LRRTM4: variants seen among roughly 807,000 people sequenced by gnomAD.
The protein encoded by LRRTM4 is leucine-rich repeat transmembrane neuronal protein 4.
A neutral mutation model predicts 47.6 loss-of-function variants in LRRTM4; 25 were observed. The observed-to-expected ratio is 0.53, with a 90% CI of 0.38 to 0.73. LRRTM4 has a LOEUF of 0.73. Ranked by LOEUF, LRRTM4 falls within the 30% of genes least tolerant of loss-of-function variation. LRRTM4 has a pLI of 0.00. For missense variants in LRRTM4, 638 were observed against 713.4 expected, an observed-to-expected ratio of 0.89 and a Z score of 1.20; for synonymous variants, 311 against 269.5, an observed-to-expected ratio of 1.15 and a Z score of -1.51.
intron 3 of LRRTM4, among the ~76,000 whole-genome samples, chr2:76,835,165 CAG>C (rs1257749855): frequency 6.6e-6 from 1 of 152,058 alleles, no homozygotes; most frequent in Non-Finnish European, 1.5e-5. Context: ...AATTCCCAAA[CAG>C]AGCTCATTCT....
intron 3 of LRRTM4, among the ~76,000 whole-genome samples, chr2:76,900,920 A>G (rs1038398457): frequency 7.9e-5 from 12 of 152,188 alleles, no homozygotes; most frequent in Admixed American, 6.5e-4. Flanking sequence ...ATTTTGAAAG[A>G]CCTAAAAATA....
At chr2:77,254,910 A>T (rs1675719756) in intron 3 of LRRTM4, among the ~76,000 whole-genome samples, 1 of 151,836 alleles carries the variant, frequency 6.6e-6, no homozygotes. Flanking sequence ...GAAAAAAAAA[A>T]AAAGGACAGT....
intron 3 of LRRTM4, among the ~76,000 whole-genome samples, chr2:77,227,798 A>T (rs17013837): frequency 0.2 from 30,243 of 152,012 alleles, 5,829 homozygotes; most frequent in African/African-American, 0.5. Context: ...TAAAATAGTT[A>T]TTCTACAACC....
intron 3 of LRRTM4, among the ~76,000 whole-genome samples, chr2:77,490,859 G>C (rs1263345776): frequency 1.3e-5 from 2 of 151,844 alleles, no homozygotes; most frequent in Admixed American, 1.3e-4. Flanking sequence ...CAAAATGTGA[G>C]TCCAGTAAAA....
chr2:77,305,126 T>A (rs1159426573), intron 3 of LRRTM4, among the ~76,000 whole-genome samples: 1 of 152,048 alleles, frequency 6.6e-6, no homozygotes, highest in Non-Finnish European at 1.5e-5. Context: ...AAACTACACA[T>A]AAAACTTAAT....
chr2:77,255,402 C>T (rs1342088272), intron 3 of LRRTM4, among the ~76,000 whole-genome samples: 1 of 151,978 alleles, frequency 6.6e-6, no homozygotes, highest in Non-Finnish European at 1.5e-5. Flanking sequence ...ACCAGTATCA[C>T]TATCATTAAA....
At chr2:77,080,649 C>A (rs956196666) in intron 3 of LRRTM4, among the ~76,000 whole-genome samples, 1 of 151,902 alleles carries the variant, frequency 6.6e-6, no homozygotes. Flanking sequence ...CTTGACCTCT[C>A]TCTTTCTCAT....
intron 3 of LRRTM4, among the ~76,000 whole-genome samples, chr2:76,786,409 ACAGTATTTTT>A (rs1370492228): frequency 6.6e-6 from 1 of 152,152 alleles, no homozygotes; most frequent in Non-Finnish European, 1.5e-5. Context: ...CATTTTTTTA[ACAGTATTTTT>A]ATCTTTTCAG....
At chr2:77,161,140 G>T (rs78895241) in intron 3 of LRRTM4, among the ~76,000 whole-genome samples, 1 of 152,054 alleles carries the variant, frequency 6.6e-6, no homozygotes, top group Non-Finnish European at 1.5e-5. Flanking sequence ...ATAGTTAAAC[G>T]ATAACCCAGC....
At chr2:77,241,630 A>G (rs765048181) in intron 3 of LRRTM4, among the ~76,000 whole-genome samples, 1 of 152,094 alleles carries the variant, frequency 6.6e-6, no homozygotes, top group Non-Finnish European at 1.5e-5. Context: ...TAAGCTCTGG[A>G]AAAAAACCTT....
At chr2:77,139,828 T>C (rs1195377764) in intron 3 of LRRTM4, among the ~76,000 whole-genome samples, 2 of 151,974 alleles carry the variant, frequency 1.3e-5, no homozygotes, top group Non-Finnish European at 2.9e-5. Flanking sequence ...TATACACCAA[T>C]AACAGACAAA....
intron 3 of LRRTM4, among the ~76,000 whole-genome samples, chr2:77,261,631 G>C (rs890899685): frequency 2.6e-5 from 4 of 151,862 alleles, no homozygotes; most frequent in Non-Finnish European, 5.9e-5. Flanking sequence ...CCCGGAAAAG[G>C]GTCCCAGGAT....
chr2:77,261,307 C>T lies in LRRTM4; in HGVS notation c.1551+257011G>A, dbSNP rs547389467. 3.9e-5 allele frequency among the ~76,000 whole-genome samples: 6 copies of T among 152,242 alleles called. No individual in the cohort carries two copies. In the South Asian group the frequency reaches 1.0e-3, roughly 26 times the overall value. On this transcript the variant is annotated intron_variant, in intron 3 of 3. Transcript: ENST00000409884. ...CCTACATTTCCCAGTCCTCTCACAG[C>T]TAGACACGGTCATATATGCTCTAGT...
At position 77,500,665 on chromosome 2, in the gene LRRTM4, A is replaced by G. The variant is rs540519036; in HGVS notation, c.1551+17653T>C. 5.3e-5 allele frequency among the ~76,000 whole-genome samples: 8 copies of G among 151,768 alleles called. No individual in the cohort carries two copies. The East Asian group carries it at 1.5e-3, about 29-fold the overall frequency. On this transcript the variant is annotated intron_variant, in intron 3 of 3. Transcript: ENST00000409884. ...GAGCCTTATCATATCTCAAAATGAAAGATTTAGAATTTAAAAGATAATCAT... is the reference window on the plus strand; with the variant it reads ...GAGCCTTATCATATCTCAAAATGAAGGATTTAGAATTTAAAAGATAATCAT...
intron 3 of LRRTM4, among the ~76,000 whole-genome samples, chr2:77,325,683 C>T (rs1197311356): frequency 2.6e-5 from 4 of 152,024 alleles, no homozygotes; most frequent in Non-Finnish European, 4.4e-5. Context: ...GGTGTGGAGG[C>T]TATTTCTGAA....
intron 3 of LRRTM4, among the ~76,000 whole-genome samples, chr2:76,840,082 A>G (rs529041955): frequency 6.6e-6 from 1 of 152,260 alleles, no homozygotes; most frequent in African/African-American, 2.4e-5. Context: ...TGTGGACCCC[A>G]ATCACAGCAT....
At chr2:77,022,564 C>A (rs549219413) in intron 3 of LRRTM4, among the ~76,000 whole-genome samples, 2 of 152,238 alleles carry the variant, frequency 1.3e-5, no homozygotes, top group South Asian at 4.1e-4. Flanking sequence ...AATGGAGGTA[C>A]AGATATTAGG....
intron 3 of LRRTM4, among the ~76,000 whole-genome samples, chr2:77,111,144 C>G (rs1430615094): frequency 6.6e-6 from 1 of 152,070 alleles, no homozygotes; most frequent in Non-Finnish European, 1.5e-5. Context: ...GAGTCTTGCT[C>G]TGTTGCCCAG....
chr2:77,023,766 G>A (rs1426222524), intron 3 of LRRTM4, among the ~76,000 whole-genome samples: 2 of 152,156 alleles, frequency 1.3e-5, no homozygotes, highest in Non-Finnish European at 2.9e-5. Flanking sequence ...CTAGGGAGTT[G>A]CAAACTTTCC....
Sources: allele counts gnomAD v4.1 joint callset (sites outside exome capture counted in the v4.1 genomes callset), GRCh38; gene constraint gnomAD v4.1.1; transcripts MANE v1.5; gene names NCBI Gene and HGNC (gene_info 2026-07-23, HGNC 2026-07-21).